DLGAP4: variants seen among roughly 807,000 people sequenced by gnomAD.
The protein encoded by DLGAP4 is disks large-associated protein 4.
A neutral mutation model predicts 86.9 loss-of-function variants in DLGAP4; 18 were observed. That is an observed-to-expected ratio of 0.21 (90% CI 0.14 to 0.31). The LOEUF is 0.31. DLGAP4 is among the 10% of genes least tolerant of loss of function. The probability of loss-of-function intolerance (pLI) is 1.00; values close to 1 mark genes in which losing one functional copy is unlikely to be tolerated. For synonymous variants in DLGAP4, 548 were observed against 574.3 expected (o/e 0.95, Z 0.65); for missense variants, 1,085 against 1,362.6 (o/e 0.80, Z 3.21).
chr20:36,427,646 T>A (rs75741568), intron 2 of DLGAP4, among the ~76,000 whole-genome samples: 12,275 of 151,634 alleles, frequency 0.081, 660 homozygotes, highest in East Asian at 0.25. Flanking sequence ...AGTTTTTTTT[T>A]AAAAAAGGAA....
rs2030099601 is a variant in DLGAP4, at chr20:36,350,079, G to A, written c.-303-16966G>A. Among the ~76,000 whole-genome samples, 1 of 152,144 alleles carries A rather than the reference G, an allele frequency of 6.6e-6. No homozygotes were observed. The highest frequency in any genetic ancestry group is 1.5e-5 in the Non-Finnish European group (1 of 68,026). ...ACAGTTCCCACATTTTTAGCCTGTG[G>A]GTCTCAAGCGGCTTCTGGTGTCCCT... is the stretch of plus-strand genomic sequence containing the variant. On this transcript the variant is annotated intron_variant, in intron 1 of 12. Coordinates refer to ENST00000339266, the MANE Select transcript of DLGAP4 (RefSeq NM_001365621.2). The surrounding 1 kb of genome is among the most constrained non-coding windows in gnomAD (Gnocchi z 4.4).
At chr20:36,373,821 T>TCAGACAGGAGTTCAAGAC (rs2031038539) in intron 2 of DLGAP4, among the ~76,000 whole-genome samples, 1 of 151,836 alleles carries the variant, frequency 6.6e-6, no homozygotes, top group Non-Finnish European at 1.5e-5. Flanking sequence ...TCACCTGAGG[T>TCAGACAGGAGTTCAAGAC]CAGACAGGAG....
At chr20:36,461,730 T>A in intron 7 of DLGAP4, 1 of 854,924 alleles carries the variant, frequency 1.2e-6, no homozygotes, top group Non-Finnish European at 1.3e-6. Flanking sequence ...CCTCCCCGTC[T>A]GTCCGTCCGT....
chr20:36,408,074 A>G (rs1216655330), intron 2 of DLGAP4, among the ~76,000 whole-genome samples: 1 of 151,920 alleles, frequency 6.6e-6, no homozygotes, highest in African/African-American at 2.4e-5. Flanking sequence ...CCAGGTGGGA[A>G]GCTGGTGAGG....
chr20:36,474,080 A>C (rs1050854790), intron 7 of DLGAP4, among the ~76,000 whole-genome samples: 1 of 152,278 alleles, frequency 6.6e-6, no homozygotes, highest in Non-Finnish European at 1.5e-5. Context: ...TGTGCAAAGC[A>C]CTAAGCACAG....
intron 1 of DLGAP4, among the ~76,000 whole-genome samples, chr20:36,328,596 G>C (rs1376065481): frequency 1.3e-5 from 2 of 152,006 alleles, no homozygotes; most frequent in Non-Finnish European, 2.9e-5. Flanking sequence ...GGTTGGTACA[G>C]GATTGTCACA....
Position 36,338,941 on chromosome 20 carries a change from G to A in DLGAP4, c.-303-28104G>A, listed in dbSNP as rs140336493. Among the ~76,000 whole-genome samples, 275 of 152,344 alleles carry A rather than the reference G, an allele frequency of 1.8e-3. 3 individuals carry two copies. The highest frequency in any genetic ancestry group is 6.3e-3 in the African/African-American group (260 of 41,584). ...GGGCAGAGCAAGCATGAAGGCCTGG[G>A]AACACTGGTGAGCCAGGGAGCAAGA... On this transcript the variant is annotated intron_variant, in intron 1 of 12. Transcript: ENST00000339266.
chr20:36,365,867 G>C (rs2030668138), intron 1 of DLGAP4, among the ~76,000 whole-genome samples: 1 of 152,110 alleles, frequency 6.6e-6, no homozygotes, highest in Non-Finnish European at 1.5e-5. Context: ...CTCCTCTCAG[G>C]GCTCAGACGT....
intron 2 of DLGAP4, among the ~76,000 whole-genome samples, chr20:36,394,075 G>A (rs2031869342): frequency 6.6e-6 from 1 of 152,176 alleles, no homozygotes; most frequent in Non-Finnish European, 1.5e-5. Flanking sequence ...TGTCCCCTGT[G>A]CCTGGAAAAT....
At chr20:36,461,751 G>GGCCCCCCC in intron 7 of DLGAP4, 5 of 618,792 alleles carry the variant, frequency 8.1e-6, no homozygotes, top group African/African-American at 3.1e-5. Context: ...CCGTCCGTCC[G>GGCCCCCCC]CCCGCCCGCC....
chr20:36,431,596 C>A lies in DLGAP4; in HGVS notation c.-72-50C>A. 8.6e-7 allele frequency: 1 copy of A among 1,164,588 alleles called. No individual in the cohort carries two copies. The highest frequency in any genetic ancestry group is 1.2e-6 in the Non-Finnish European group (1 of 846,694). 72.1% of individuals were successfully genotyped at this position (1,164,588 alleles called of 1,614,324 possible). On this transcript the variant is annotated intron_variant, in intron 2 of 12. Coordinates refer to ENST00000339266, the MANE Select transcript of DLGAP4 (RefSeq NM_001365621.2). The surrounding 1 kb of genome is among the most constrained non-coding windows in gnomAD (Gnocchi z 5.1). Reference sequence around the variant, plus strand: ...TGGATCTGACCTTCCCGGCACCCCTCCCCGACAATCCAGCTGACCAGCTGA... The same window carrying A: ...TGGATCTGACCTTCCCGGCACCCCTACCCGACAATCCAGCTGACCAGCTGA...
At chr20:36,436,044 T>G (rs2033265018) in intron 3 of DLGAP4, 65 bp from the exon 4 acceptor site, 1 of 1,475,116 alleles carries the variant, frequency 6.8e-7, no homozygotes, top group African/African-American at 1.4e-5. Context: ...GTCCCGGAGA[T>G]GGGGGTTCTC....
At chr20:36,457,428 C>T (rs1321774123) in intron 7 of DLGAP4, among the ~76,000 whole-genome samples, 3 of 142,538 alleles carry the variant, frequency 2.1e-5, no homozygotes. Context: ...TCACTCTTGT[C>T]CCCCAGGCTG....
At chr20:36,318,102 C>CCACACA (rs1343261250) in intron 1 of DLGAP4, among the ~76,000 whole-genome samples, 1 of 117,132 alleles carries the variant, frequency 8.5e-6, no homozygotes, top group Non-Finnish European at 1.7e-5. Context: ...ATAAATGTGT[C>CCACACA]CTCTCACACA....
chr20:36,499,299 G>A (rs1219191320), intron 8 of DLGAP4: 7 of 1,613,562 alleles, frequency 4.3e-6, no homozygotes, highest in African/African-American at 4.0e-5. Flanking sequence ...CAAAGCGATC[G>A]ATGTGATGGC....
intron 7 of DLGAP4, among the ~76,000 whole-genome samples, chr20:36,486,453 A>T (rs557972113): frequency 2.9e-4 from 43 of 150,084 alleles, no homozygotes; most frequent in African/African-American, 7.3e-4. Flanking sequence ...AGTTTCAGAC[A>T]GGGCATGGCA....
intron 7 of DLGAP4, among the ~76,000 whole-genome samples, chr20:36,478,688 C>G (rs531782408): frequency 6.6e-6 from 1 of 152,148 alleles, no homozygotes; most frequent in Non-Finnish European, 1.5e-5. Flanking sequence ...CCGAAGCAAG[C>G]TTGTATTTTT....
chr20:36,487,033 C>T (rs1278552285), intron 7 of DLGAP4, among the ~76,000 whole-genome samples: 1 of 152,098 alleles, frequency 6.6e-6, no homozygotes, highest in Non-Finnish European at 1.5e-5. Flanking sequence ...AAAACAGGGA[C>T]GCAAAAGACC....
intron 8 of DLGAP4, chr20:36,499,365 A>ACCTGCCCG: frequency 2.1e-6 from 2 of 938,126 alleles, no homozygotes; most frequent in Non-Finnish European, 2.6e-6. Flanking sequence ...CCTCCCGCCC[A>ACCTGCCCG]CCTGCCCGCC....
Sources: allele counts gnomAD v4.1 joint callset (sites outside exome capture counted in the v4.1 genomes callset), GRCh38; gene constraint gnomAD v4.1.1; non-coding constraint Gnocchi (gnomAD v3.1); transcripts MANE v1.5; gene names NCBI Gene and HGNC (gene_info 2026-07-23, HGNC 2026-07-21).